The following PRH1 variants were observed in gnomAD, a reference collection of about 807,000 sequenced individuals.
The protein encoded by PRH1 is proline rich protein HaeIII subfamily 1, also known as salivary acidic proline-rich phosphoprotein 1/2.
A neutral mutation model predicts 7.9 loss-of-function variants in PRH1; 7 were observed. That is an observed-to-expected ratio of 0.89 (90% CI 0.50 to 1.67). The LOEUF is 1.67. Among genes scored for constraint, PRH1 ranks in the 40% most tolerant of loss-of-function variants. The probability of loss-of-function intolerance (pLI) is 0.00; values close to 1 mark genes in which losing one functional copy is unlikely to be tolerated. For synonymous variants in PRH1, 45 were observed against 80.8 expected (o/e 0.56, Z 2.38); for missense variants, 109 against 223.6 (o/e 0.49, Z 3.27).
chr12:11,062,206 A>G, intron 1 of PRH1: 3 of 1,613,510 alleles, frequency 1.9e-6, no homozygotes, highest in Non-Finnish European at 2.5e-6. Flanking sequence ...AATGGAATTT[A>G]CCAATGCTAT....
intron 1 of PRH1, among the ~76,000 whole-genome samples, chr12:11,045,317 CAAA>C (rs34515459): frequency 7.2e-6 from 1 of 138,770 alleles, no homozygotes; most frequent in Admixed American, 7.1e-5. Context: ...TAATGGTTAC[CAAA>C]AAAAAAAAAA....
intron 1 of PRH1, among the ~76,000 whole-genome samples, chr12:10,975,158 G>A (rs1488273086): frequency 6.6e-6 from 1 of 152,134 alleles, no homozygotes. Context: ...AAATGCTAAA[G>A]TCAACTGGAA....
intron 1 of PRH1, among the ~76,000 whole-genome samples, chr12:11,157,189 AAAAAT>A (rs1331283113): frequency 6.6e-6 from 1 of 152,236 alleles, no homozygotes. Flanking sequence ...GAAAAGAACT[AAAAAT>A]AAATTTGATG....
At chr12:11,019,738 CT>C (rs1428234819) in intron 1 of PRH1, among the ~76,000 whole-genome samples, 1 of 152,280 alleles carries the variant, frequency 6.6e-6, no homozygotes, top group African/African-American at 2.4e-5. Flanking sequence ...TTTATTTTTA[CT>C]TCTTTTGAGT....
At chr12:11,145,817 A>G (rs3851591) in intron 1 of PRH1, among the ~76,000 whole-genome samples, 32,199 of 152,136 alleles carry the variant, frequency 0.21, 4,007 homozygotes, top group Non-Finnish European at 0.27. Context: ...ATTCTGCTCT[A>G]TATCTCTTTT....
intron 1 of PRH1, among the ~76,000 whole-genome samples, chr12:11,068,948 C>A (rs1183777790): frequency 6.7e-6 from 1 of 148,860 alleles, no homozygotes; most frequent in Non-Finnish European, 1.5e-5. Context: ...CACTCTGTAG[C>A]CCCAACTGGA....
At chr12:10,979,777 G>C (rs1431660023) in intron 1 of PRH1, among the ~76,000 whole-genome samples, 2 of 152,208 alleles carry the variant, frequency 1.3e-5, no homozygotes, top group Non-Finnish European at 2.9e-5. Flanking sequence ...ATTGGATTCT[G>C]TATGTTTTTG....
At chr12:11,063,492 C>A (rs997763499) in intron 1 of PRH1, among the ~76,000 whole-genome samples, 4 of 152,032 alleles carry the variant, frequency 2.6e-5, no homozygotes, top group African/African-American at 9.7e-5. Flanking sequence ...CTAACTACTA[C>A]CAAGATTCAG....
intron 1 of PRH1, among the ~76,000 whole-genome samples, chr12:11,067,461 T>C (rs1434620745): frequency 2.6e-5 from 4 of 152,040 alleles, no homozygotes; most frequent in South Asian, 2.1e-4. Flanking sequence ...AAAAGGTGTT[T>C]AGCTGTCATA....
At chr12:10,911,976 T>C (rs1949907135) in intron 2 of PRH1, among the ~76,000 whole-genome samples, 1 of 152,200 alleles carries the variant, frequency 6.6e-6, no homozygotes, top group African/African-American at 2.4e-5. Context: ...TTTGAATATG[T>C]ATCCCTAAGC....
At chr12:10,959,014 T>C (rs930597599) in intron 2 of PRH1, among the ~76,000 whole-genome samples, 1 of 152,190 alleles carries the variant, frequency 6.6e-6, no homozygotes, top group Non-Finnish European at 1.5e-5. Flanking sequence ...TAGAAACTCA[T>C]GGCAAATATC....
chr12:11,019,719 T>G (rs964273225), intron 1 of PRH1, among the ~76,000 whole-genome samples: 1 of 152,290 alleles, frequency 6.6e-6, no homozygotes, highest in Non-Finnish European at 1.5e-5. Context: ...GTTGCAAAGT[T>G]TGCTAGCTTT....
At chr12:10,922,501 C>A (rs1591681357) in intron 2 of PRH1, among the ~76,000 whole-genome samples, 1 of 152,054 alleles carries the variant, frequency 6.6e-6, no homozygotes, top group Non-Finnish European at 1.5e-5. Context: ...AATACTTATT[C>A]CATGGAATCT....
intron 1 of PRH1, among the ~76,000 whole-genome samples, chr12:11,128,639 G>A (rs949174189): frequency 3.3e-5 from 5 of 152,100 alleles, no homozygotes; most frequent in African/African-American, 9.7e-5. Flanking sequence ...CGAGCCACTC[G>A]GTGACTGCAG....
At chr12:10,925,448 A>G (rs536725878) in intron 2 of PRH1, among the ~76,000 whole-genome samples, 120 of 152,344 alleles carry the variant, frequency 7.9e-4, no homozygotes, top group Non-Finnish European at 1.5e-3. Context: ...GGTTCATTTC[A>G]AAGGACAGGC....
At chr12:11,170,113 G>T (rs976398247) in intron 1 of PRH1, among the ~76,000 whole-genome samples, 1 of 152,158 alleles carries the variant, frequency 6.6e-6, no homozygotes. Flanking sequence ...GAATGAAGAC[G>T]GTGTGTGCGA....
intron 1 of PRH1, among the ~76,000 whole-genome samples, chr12:11,101,773 G>A (rs1945257982): frequency 1.3e-5 from 2 of 152,076 alleles, no homozygotes; most frequent in African/African-American, 4.8e-5. Flanking sequence ...AATAGAATTT[G>A]CCATTGTATA....
intron 2 of PRH1, among the ~76,000 whole-genome samples, chr12:10,901,309 C>T (rs918043587): frequency 6.6e-6 from 1 of 152,170 alleles, no homozygotes; most frequent in African/African-American, 2.4e-5. Flanking sequence ...TATTCAGAGC[C>T]CCCACTCTCC....
intron 1 of PRH1, among the ~76,000 whole-genome samples, chr12:11,145,133 T>C (rs6488349): frequency 0.45 from 68,852 of 151,734 alleles, 16,366 homozygotes; most frequent in Non-Finnish European, 0.52. Context: ...CGAAACTCTG[T>C]AGTGTTTATT....
Sources: allele counts gnomAD v4.1 joint callset (sites outside exome capture counted in the v4.1 genomes callset), GRCh38; gene constraint gnomAD v4.1.1; transcripts MANE v1.5; gene names NCBI Gene and HGNC (gene_info 2026-07-23, HGNC 2026-07-21).